CD46: variants seen among roughly 807,000 people sequenced by gnomAD.
The protein encoded by CD46 is CD46 molecule.
CD46 carries 30 observed loss-of-function variants against 53.3 expected under a neutral mutation model. That is an observed-to-expected ratio of 0.56 (90% CI 0.42 to 0.76). CD46 has a LOEUF of 0.76. CD46 is among the 30% of genes least tolerant of loss of function. The pLI is 0.00. For missense variants in CD46, 409 were observed against 463.0 expected (o/e 0.88, Z 1.07); for synonymous variants, 142 against 152.0 (o/e 0.93, Z 0.48).
At chr1:207,756,911 G>A in intron 1 of CD46, 103 bp from the exon 2 acceptor site, 2 of 902,562 alleles carry the variant, frequency 2.2e-6, no homozygotes, top group Non-Finnish European at 3.6e-6. Context: ...CTTGCCAAGG[G>A]CCTTTCTGTT....
In CD46 at chr1:207,785,669, A is replaced by G; in HGVS notation, c.1069A>G (p.Arg357Gly). 2 of 1,607,348 alleles carry G rather than the reference A, an allele frequency of 1.2e-6. No homozygotes were observed. The highest frequency in any genetic ancestry group is 1.7e-6 in the Non-Finnish European group (2 of 1,174,072). The change falls in exon 11 of 13, where the codon AGG (arginine) becomes GGG (glycine). Residue 357 changes from arginine (R) to glycine (G), a missense_variant. Coordinates refer to ENST00000367042, the MANE Select transcript of CD46 (RefSeq NM_172351.3). The part of the protein sequence containing the change: ...CVVPYRYLQR[R>G]KKKGTYLTDE... ...TGTCCCGTACAGATATCTTCAAAGG[A>G]GGAAGAAGAAAGGGTAAATTAAAGC...
rs781571568 is a variant in CD46 at position 207,783,280 on chromosome 1, C to CT, written c.944-6dup. 3 of 1,413,564 alleles carry CT rather than the reference C, an allele frequency of 2.1e-6. No homozygotes were observed. Among genetic ancestry groups the CT allele is most frequent in the Non-Finnish European group, 3.0e-6 (3 of 1,001,814 alleles). 87.6% of individuals were successfully genotyped at this position (1,413,564 alleles called of 1,614,324 possible). ...TTTATTAATTTAATCTATATTTCTT[C>CT]TTTTTTCCTAGGATATCCTAAACCT... On this transcript the variant is annotated splice_polypyrimidine_tract_variant and intron_variant, in intron 8 of 12. Coordinates refer to ENST00000367042, the MANE Select transcript of CD46 (RefSeq NM_172351.3).
At position 207,777,768 on chromosome 1, in the gene CD46, T is replaced by C. The variant is rs41317839; in HGVS notation, c.944-5524T>C. Among the ~76,000 whole-genome samples, 784 of 152,350 alleles carry C rather than the reference T, an allele frequency of 5.1e-3. 9 individuals are homozygous for C. Among genetic ancestry groups the C allele is most frequent in the African/African-American group, 0.018 (739 of 41,590 alleles). ...GAACATTCATGTGCATATATCTTTA[T>C]GGCAGAATGATTTATATTTCTCTGG... On this transcript the variant is annotated intron_variant, in intron 8 of 12. Transcript: ENST00000367042.
At position 207,752,646 on chromosome 1, in the gene CD46, G is replaced by T. The variant is rs1571562425; in HGVS notation, c.97+337G>T. 6.6e-6 allele frequency among the ~76,000 whole-genome samples: 1 copy of T among 152,298 alleles called. No homozygotes were observed. The highest frequency in any genetic ancestry group is 1.5e-5 in the Non-Finnish European group (1 of 68,018). On this transcript the variant is annotated intron_variant, in intron 1 of 12. Transcript: ENST00000367042. This position sits in a 1 kb window ranked among gnomAD's most constrained non-coding sequence, Gnocchi z 4.1. ...CCTAGGTGAGGGCTTGTTCTGGAGT[G>T]CACAGGTGCGTGGGAGTGTTGCTAG...
At chr1:207,765,711 C>T (rs1656769181) in intron 5 of CD46, among the ~76,000 whole-genome samples, 1 of 152,172 alleles carries the variant, frequency 6.6e-6, no homozygotes, top group Non-Finnish European at 1.5e-5. Flanking sequence ...ATGAAACTCT[C>T]ATATACTGAT....
At chr1:207,789,917 G>A (rs1458768659) in intron 11 of CD46, among the ~76,000 whole-genome samples, 3 of 148,624 alleles carry the variant, frequency 2.0e-5, no homozygotes, top group Non-Finnish European at 4.4e-5. Flanking sequence ...GCTAGAGACC[G>A]GTACCATTTC....
chr1:207,793,675 A>G lies in CD46; in HGVS notation c.*198A>G. 1 of 1,119,186 alleles carries G rather than the reference A, an allele frequency of 8.9e-7. No individual in the cohort carries two copies. The highest frequency in any genetic ancestry group is 1.4e-6 in the Non-Finnish European group (1 of 735,790). The allele number at this position is 1,119,186 out of a possible 1,614,324, so 69.3% of individuals were successfully genotyped here. A position where few individuals can be genotyped will look rare whatever the true frequency, so the allele number is the denominator to read the frequency against. On this transcript the variant is annotated 3_prime_UTR_variant, in exon 13 of 13. Coordinates refer to ENST00000367042, the MANE Select transcript of CD46 (RefSeq NM_172351.3). ...GTTGTTATTCTGTAGTTTCACTCTC[A>G]TGAGTGCAACTGTGGCTTAGCTAAT...
At position 207,752,085 on chromosome 1, in the gene CD46, CACTGG is replaced by C. The variant is rs1416903454; in HGVS notation, c.-126_-122del. Reference sequence around the variant, plus strand: ...CGGGCCACGCCCACCTGTCCTGCAGCACTGGATGCTTTGTGAGTTGGGGATTGTTG... The same window carrying C: ...CGGGCCACGCCCACCTGTCCTGCAGCATGCTTTGTGAGTTGGGGATTGTTG... On this transcript the variant is annotated 5_prime_UTR_variant, in exon 1 of 13. It adds an upstream start codon to the 5' untranslated region. Coordinates refer to ENST00000367042, the MANE Select transcript of CD46 (RefSeq NM_172351.3). The surrounding 1 kb of genome is among the most constrained non-coding windows in gnomAD (Gnocchi z 4.1). The C allele has an allele frequency of 1.1e-6, 1 of 937,030 alleles. No homozygotes were observed. Among genetic ancestry groups the C allele is most frequent in the Non-Finnish European group, 1.7e-6 (1 of 577,138 alleles). 58.0% of individuals were successfully genotyped at this position (937,030 alleles called of 1,614,324 possible). A position where few individuals can be genotyped will look rare whatever the true frequency, so the allele number is the denominator to read the frequency against.
intron 8 of CD46, among the ~76,000 whole-genome samples, chr1:207,782,875 G>A (rs528055358): frequency 5.3e-5 from 8 of 149,798 alleles, no homozygotes; most frequent in East Asian, 3.9e-4. Context: ...GGATGGTCTC[G>A]AACTCCTGAC....
At chr1:207,777,145 C>T (rs2796275) in intron 8 of CD46, among the ~76,000 whole-genome samples, 106,743 of 151,966 alleles carry the variant, frequency 0.7, 37,968 homozygotes, top group East Asian at 0.91. Flanking sequence ...TGTTATACTA[C>T]TGGATATAGA....
At chr1:207,758,570 C>T (rs1032447909) in intron 3 of CD46, among the ~76,000 whole-genome samples, 7 of 152,148 alleles carry the variant, frequency 4.6e-5, no homozygotes, top group African/African-American at 1.7e-4. Flanking sequence ...ATGACCTAGT[C>T]ATTTCTTAAA....
chr1:207,752,365 C>G lies in CD46; in HGVS notation c.97+56C>G. On this transcript the variant is annotated intron_variant, in intron 1 of 12. Coordinates refer to ENST00000367042, the MANE Select transcript of CD46 (RefSeq NM_172351.3). The surrounding 1 kb of genome is among the most constrained non-coding windows in gnomAD (Gnocchi z 4.1). ...CGGCGAGACTAGAGCTCTCCTCAGT[C>G]GGGCAAGAGTCGCGGGGCGGGGCTC... is the stretch of plus-strand genomic sequence containing the variant. The G allele has an allele frequency of 3.3e-6, 5 of 1,523,554 alleles. No homozygotes were observed. Among genetic ancestry groups the G allele is most frequent in the Non-Finnish European group, 4.5e-6 (5 of 1,099,126 alleles). The allele number at this position is 1,523,554 out of a possible 1,614,324, so 94.4% of individuals were successfully genotyped here.
At chr1:207,788,237 C>G (rs1215507010) in intron 11 of CD46, among the ~76,000 whole-genome samples, 1 of 152,104 alleles carries the variant, frequency 6.6e-6, no homozygotes, top group Non-Finnish European at 1.5e-5. Flanking sequence ...AGATTTCCAG[C>G]CGGGCCTGGT....
intron 8 of CD46, among the ~76,000 whole-genome samples, chr1:207,772,111 A>C (rs903237470): frequency 6.6e-6 from 1 of 152,158 alleles, no homozygotes; most frequent in African/African-American, 2.4e-5. Flanking sequence ...GATGTCCTTC[A>C]CATCCATCCC....
In CD46 at chr1:207,752,444, G is replaced by A. The variant is rs1246422154; in HGVS notation, c.97+135G>A. On this transcript the variant is annotated intron_variant, in intron 1 of 12. Coordinates refer to ENST00000367042, the MANE Select transcript of CD46 (RefSeq NM_172351.3). This position sits in a 1 kb window ranked among gnomAD's most constrained non-coding sequence, Gnocchi z 4.1. Reference sequence around the variant, plus strand: ...GGTTCTCTGAGGGGTGCAGTGCTCAGATCCCGGGGGTATGTGGCGGGGAAT... The same window carrying A: ...GGTTCTCTGAGGGGTGCAGTGCTCAAATCCCGGGGGTATGTGGCGGGGAAT... The A allele has an allele frequency of 1.2e-6, 1 of 837,968 alleles. No individual in the cohort carries two copies. 51.9% of individuals were successfully genotyped at this position (837,968 alleles called of 1,614,324 possible). A position where few individuals can be genotyped will look rare whatever the true frequency, so the allele number is the denominator to read the frequency against.
intron 12 of CD46, among the ~76,000 whole-genome samples, chr1:207,791,205 C>T (rs1279161812): frequency 6.6e-6 from 1 of 152,208 alleles, no homozygotes; most frequent in Non-Finnish European, 1.5e-5. Context: ...ACGGGGGATA[C>T]ATTCCAAAAC....
At chr1:207,776,421 A>C (rs1658111582) in intron 8 of CD46, among the ~76,000 whole-genome samples, 1 of 152,200 alleles carries the variant, frequency 6.6e-6, no homozygotes, top group East Asian at 1.9e-4. Context: ...AAATGCAGAA[A>C]TCACCTGTCT....
At position 207,752,985 on chromosome 1, in the gene CD46, G is replaced by A. The variant is rs534579792; in HGVS notation, c.97+676G>A. On this transcript the variant is annotated intron_variant, in intron 1 of 12. Coordinates refer to ENST00000367042, the MANE Select transcript of CD46 (RefSeq NM_172351.3). This position sits in a 1 kb window ranked among gnomAD's most constrained non-coding sequence, Gnocchi z 4.1. ...GGCTCTCGGTGCCTGGGGTTAGAGA[G>A]GTGGTAAGGGCGCGCCATGCTTTTT... Among the ~76,000 whole-genome samples, 7 of 151,970 alleles carry A rather than the reference G, an allele frequency of 4.6e-5. No individual in the cohort carries two copies. The highest frequency in any genetic ancestry group is 1.2e-4 in the African/African-American group (5 of 41,352).
At chr1:207,783,194 G>GA (rs199506405) in intron 8 of CD46, 98 bp from the exon 9 acceptor site, 8,459 of 636,730 alleles carry the variant, frequency 0.013, 85 homozygotes, top group Non-Finnish European at 0.017. Context: ...CTACAAAGGT[G>GA]AAAAAAAATC....
Sources: allele counts gnomAD v4.1 joint callset (sites outside exome capture counted in the v4.1 genomes callset), GRCh38; gene constraint gnomAD v4.1.1; non-coding constraint Gnocchi (gnomAD v3.1); transcripts MANE v1.5; gene names NCBI Gene and HGNC (gene_info 2026-07-23, HGNC 2026-07-21).